Variants in CTNND2 observed in about 807,000 individuals in gnomAD.
CTNND2 encodes catenin delta-2.
CTNND2 carries 22 observed loss-of-function variants against 144.4 expected under a neutral mutation model. The ratio of observed to expected loss-of-function variants is 0.15; its 90% CI spans 0.11 to 0.22. CTNND2 has a LOEUF of 0.22. CTNND2 is among the 10% of genes least tolerant of loss of function. The pLI, the probability that CTNND2 is intolerant of heterozygous loss-of-function variation, is 1.00. For synonymous variants in CTNND2, 751 were observed against 695.6 expected, an observed-to-expected ratio of 1.08 and a Z score of -1.25; for missense variants, 1,353 against 1,618.8, an observed-to-expected ratio of 0.84 and a Z score of 2.82.
intron 19 of CTNND2, among the ~76,000 whole-genome samples, chr5:10,989,740 G>A (rs1738450813): frequency 1.3e-5 from 2 of 152,188 alleles, no homozygotes; most frequent in Non-Finnish European, 1.5e-5. Context: ...TGCAGATCAC[G>A]TGGCTCTTCC....
At chr5:11,225,096 C>CA (rs1561049235) in intron 10 of CTNND2, among the ~76,000 whole-genome samples, 2 of 151,626 alleles carry the variant, frequency 1.3e-5, no homozygotes, top group African/African-American at 2.4e-5. Flanking sequence ...ACAGCAACAA[C>CA]AAAAAAAACC....
chr5:11,447,761 T>G lies in CTNND2; in HGVS notation c.288-35692A>C, dbSNP rs139404582. Among the ~76,000 whole-genome samples the G allele has an allele frequency of 3.8e-3, 583 of 152,194 alleles. 4 individuals carry two copies. Among genetic ancestry groups the G allele is most frequent in the African/African-American group, 0.012 (501 of 41,508 alleles). On this transcript the variant is annotated intron_variant, in intron 3 of 21. Coordinates refer to ENST00000304623, the MANE Select transcript of CTNND2 (RefSeq NM_001332.4). ...AGAAGTGCATTGCTATTTCAACAACTCAAGTGGTTGTTACAGCCTGAGTAG... is the reference window on the plus strand; with the variant it reads ...AGAAGTGCATTGCTATTTCAACAACGCAAGTGGTTGTTACAGCCTGAGTAG...
At chr5:11,022,636 T>C in intron 17 of CTNND2, 133 bp downstream of exon 17, 2 of 710,892 alleles carry the variant, frequency 2.8e-6, no homozygotes, top group Non-Finnish European at 4.9e-6. Flanking sequence ...CCATTTGCCA[T>C]TTTCCTTCTC....
chr5:11,187,478 T>C (rs560989126), intron 11 of CTNND2, among the ~76,000 whole-genome samples: 33 of 152,246 alleles, frequency 2.2e-4, no homozygotes, highest in South Asian at 6.2e-4. Flanking sequence ...GACTTAAATG[T>C]AAAACCCAAA....
chr5:11,003,632 C>T (rs1167797041), intron 18 of CTNND2, among the ~76,000 whole-genome samples: 2 of 152,226 alleles, frequency 1.3e-5, no homozygotes, highest in African/African-American at 4.8e-5. Context: ...TGCTTAACTA[C>T]AAAACCTTCT....
At chr5:11,854,507 C>T (rs1019277303) in intron 1 of CTNND2, among the ~76,000 whole-genome samples, 4 of 152,148 alleles carry the variant, frequency 2.6e-5, no homozygotes, top group Non-Finnish European at 5.9e-5. Flanking sequence ...GTTTGAACTA[C>T]AGGGAAGTTT....
At chr5:11,514,510 A>G (rs1447509054) in intron 3 of CTNND2, among the ~76,000 whole-genome samples, 1 of 152,182 alleles carries the variant, frequency 6.6e-6, no homozygotes, top group East Asian at 1.9e-4. Context: ...TTCTGTACGT[A>G]TAATTGCACA....
At chr5:11,780,171 G>A (rs113787981) in intron 1 of CTNND2, among the ~76,000 whole-genome samples, 5,132 of 152,206 alleles carry the variant, frequency 0.034, 132 homozygotes, top group Non-Finnish European at 0.049. Flanking sequence ...CCGCCTCTGG[G>A]ATCTTCAAGT....
chr5:11,792,496 T>C (rs1359544306), intron 1 of CTNND2, among the ~76,000 whole-genome samples: 3 of 152,134 alleles, frequency 2.0e-5, no homozygotes, highest in East Asian at 3.9e-4. Flanking sequence ...GGTCTGCAAA[T>C]ATAAGAAAGA....
At chr5:11,421,190 A>G (rs1158104178) in intron 3 of CTNND2, among the ~76,000 whole-genome samples, 1 of 152,188 alleles carries the variant, frequency 6.6e-6, no homozygotes, top group Admixed American at 6.5e-5. Context: ...CCATGACAAC[A>G]ACTGGAGGAA....
chr5:11,137,511 C>G (rs959822567), intron 12 of CTNND2, among the ~76,000 whole-genome samples: 1 of 152,186 alleles, frequency 6.6e-6, no homozygotes, highest in African/African-American at 2.4e-5. Flanking sequence ...TAGGGTAATA[C>G]TCTAAGCCTT....
intron 1 of CTNND2, among the ~76,000 whole-genome samples, chr5:11,844,901 G>A (rs1241492791): frequency 6.6e-6 from 1 of 152,142 alleles, no homozygotes; most frequent in African/African-American, 2.4e-5. Flanking sequence ...CATAAAGGTA[G>A]GAAGGTGAAG....
At chr5:11,186,607 C>T (rs1330514968) in intron 11 of CTNND2, among the ~76,000 whole-genome samples, 2 of 152,192 alleles carry the variant, frequency 1.3e-5, no homozygotes, top group Non-Finnish European at 2.9e-5. Flanking sequence ...CCTAATCCTC[C>T]ACCCCTCTGC....
chr5:11,179,224 T>G (rs559927567), intron 11 of CTNND2, among the ~76,000 whole-genome samples: 58 of 151,818 alleles, frequency 3.8e-4, no homozygotes, highest in Middle Eastern at 6.8e-3. Flanking sequence ...ACCCAGGAGA[T>G]GGAGGTTGCG....
At chr5:11,622,044 G>C (rs186094348) in intron 2 of CTNND2, among the ~76,000 whole-genome samples, 1 of 152,212 alleles carries the variant, frequency 6.6e-6, no homozygotes, top group East Asian at 1.9e-4. Context: ...AATCCAAAAA[G>C]ATCTAAGTAT....
chr5:11,679,073 TG>T (rs1357596488), intron 2 of CTNND2, among the ~76,000 whole-genome samples: 1 of 152,056 alleles, frequency 6.6e-6, no homozygotes, highest in Non-Finnish European at 1.5e-5. Context: ...TTCGTTCTCA[TG>T]GGGGACTCTG....
intron 2 of CTNND2, among the ~76,000 whole-genome samples, chr5:11,682,066 A>G (rs1307800181): frequency 6.6e-6 from 1 of 152,212 alleles, no homozygotes; most frequent in African/African-American, 2.4e-5. Flanking sequence ...GACTGGGAGC[A>G]GCAACTGGCC....
intron 2 of CTNND2, among the ~76,000 whole-genome samples, chr5:11,702,705 A>G (rs1785510460): frequency 6.6e-6 from 1 of 152,164 alleles, no homozygotes; most frequent in Admixed American, 6.5e-5. Flanking sequence ...TAATCCCTTC[A>G]TATCTTGAGG....
chr5:11,410,782 G>C (rs1761455380), intron 5 of CTNND2, among the ~76,000 whole-genome samples: 1 of 151,880 alleles, frequency 6.6e-6, no homozygotes, highest in Admixed American at 6.6e-5. Context: ...AATACTAAGA[G>C]TACACCATTT....
Sources: allele counts gnomAD v4.1 joint callset (sites outside exome capture counted in the v4.1 genomes callset), GRCh38; gene constraint gnomAD v4.1.1; transcripts MANE v1.5; gene names NCBI Gene and HGNC (gene_info 2026-07-23, HGNC 2026-07-21).